GLIS3: variants seen among roughly 807,000 people sequenced by gnomAD.
The protein encoded by GLIS3 is zinc finger protein GLIS3.
A neutral mutation model predicts 78.6 loss-of-function variants in GLIS3; 53 were observed. That is an observed-to-expected ratio of 0.67 (90% CI 0.54 to 0.85). The LOEUF (loss-of-function observed/expected upper bound fraction) is 0.85. Ranked by LOEUF, GLIS3 falls within the 40% of genes least tolerant of loss-of-function variation. The probability of loss-of-function intolerance (pLI) is 0.00; values close to 1 mark genes in which losing one functional copy is unlikely to be tolerated. For synonymous variants in GLIS3, 684 were observed against 509.9 expected (o/e 1.34, Z -4.60); for missense variants, 1,703 against 1,231.1 (o/e 1.38, Z -5.74).
At chr9:4,424,392 T>C in the GLIS3 span, among the ~76,000 whole-genome samples, 1 of 152,214 alleles carries the variant, frequency 6.6e-6, no homozygotes, top group Non-Finnish European at 1.5e-5. Context: ...TCTCTGCCTC[T>C]TTAATTAGAA....
chr9:4,125,750 G>A lies in GLIS3; in HGVS notation c.580C>T (p.Pro194Ser), dbSNP rs1832526374. The change falls in exon 3 of 11, where the codon CCT (proline) becomes TCT (serine). Residue 194 changes from proline to serine, a missense_variant. Transcript: ENST00000381971. ...ACTTGAGACCTGGTATCTGAAGGAGGTATATTCAGGTTGGCTGCATTCATT... is the reference window on the plus strand; with the variant it reads ...ACTTGAGACCTGGTATCTGAAGGAGATATATTCAGGTTGGCTGCATTCATT... ...RAMNAANLNI[P>S]PSDTRSLISR... The A allele has an allele frequency of 3.7e-6, 6 of 1,613,316 alleles. No individual in the cohort carries two copies. The highest frequency in any genetic ancestry group is 1.1e-5 in the South Asian group (1 of 91,056).
the GLIS3 span, among the ~76,000 whole-genome samples, chr9:4,378,934 A>C: frequency 2.6e-5 from 4 of 152,332 alleles, no homozygotes; most frequent in Non-Finnish European, 5.9e-5. Flanking sequence ...TTTGGGTTAA[A>C]TGAAGGGGAT....
chr9:4,059,949 T>A (rs964138527), intron 4 of GLIS3, among the ~76,000 whole-genome samples: 9 of 152,170 alleles, frequency 5.9e-5, no homozygotes, highest in Non-Finnish European at 1.3e-4. Flanking sequence ...TTAAGGCAGG[T>A]GTGAAGGTTC....
chr9:4,144,343 T>G (rs1834045208), intron 2 of GLIS3, among the ~76,000 whole-genome samples: 1 of 152,166 alleles, frequency 6.6e-6, no homozygotes, highest in Non-Finnish European at 1.5e-5. Context: ...AAGTGATATT[T>G]TTTGATAGGT....
intron 2 of GLIS3, among the ~76,000 whole-genome samples, chr9:4,241,894 G>C (rs1036976267): frequency 6.6e-6 from 1 of 152,154 alleles, no homozygotes; most frequent in South Asian, 2.1e-4. Context: ...ATGTTGGCCA[G>C]GCTGTTCTCA....
chr9:4,487,816 T>C, the GLIS3 span, among the ~76,000 whole-genome samples: 8 of 151,910 alleles, frequency 5.3e-5, no homozygotes, highest in African/African-American at 1.9e-4. Context: ...GCCTCCCAAG[T>C]AGCAGAGACT....
In GLIS3 at chr9:4,187,355, C is replaced by A. The variant is rs200373030; in HGVS notation, c.389-61414G>T. ...GCTCTGTTCTGTTCCATTGTTCTAT[C>A]TCTCTGTTTTGGTACCAGTACCATG... On this transcript the variant is annotated intron_variant, in intron 2 of 10. Coordinates refer to ENST00000381971, the MANE Select transcript of GLIS3 (RefSeq NM_001042413.2). Among the ~76,000 whole-genome samples, 8 of 152,160 alleles carry A rather than the reference C, an allele frequency of 5.3e-5. No individual in the cohort carries two copies. The South Asian group carries it at 6.2e-4, about 12-fold the overall frequency.
At chr9:4,206,830 G>A (rs1051388337) in intron 2 of GLIS3, among the ~76,000 whole-genome samples, 1 of 152,222 alleles carries the variant, frequency 6.6e-6, no homozygotes, top group African/African-American at 2.4e-5. Flanking sequence ...TCAAATCTGA[G>A]TACAACTGAG....
upstream of GLIS3, among the ~76,000 whole-genome samples, chr9:4,304,325 T>A (rs549811953): frequency 8.5e-5 from 13 of 152,268 alleles, no homozygotes; most frequent in African/African-American, 3.1e-4. Context: ...TTTCCTACAA[T>A]GTGATATGAA....
intron 8 of GLIS3, among the ~76,000 whole-genome samples, chr9:3,877,170 G>A (rs913520022): frequency 6.6e-6 from 1 of 152,070 alleles, no homozygotes; most frequent in Admixed American, 6.5e-5. Flanking sequence ...TTCTCAGCCA[G>A]GCAGAATGAA....
chr9:4,147,971 GCTA>G (rs1834360364), intron 2 of GLIS3, among the ~76,000 whole-genome samples: 1 of 152,178 alleles, frequency 6.6e-6, no homozygotes, highest in African/African-American at 2.4e-5. Flanking sequence ...CTCTATAATA[GCTA>G]CGTATGTATT....
chr9:4,263,700 C>A (rs1373046806), intron 2 of GLIS3, among the ~76,000 whole-genome samples: 1 of 152,210 alleles, frequency 6.6e-6, no homozygotes, highest in East Asian at 1.9e-4. Context: ...CCTTCATCTT[C>A]CCCAATGCAA....
the GLIS3 span, among the ~76,000 whole-genome samples, chr9:4,481,542 G>GTGTA: frequency 2.7e-5 from 4 of 150,620 alleles, no homozygotes; most frequent in East Asian, 5.8e-4. Flanking sequence ...GTGTGTGTGT[G>GTGTA]TACCGTTTTC....
chr9:4,207,423 AT>A (rs1282190944), intron 2 of GLIS3, among the ~76,000 whole-genome samples: 1 of 152,258 alleles, frequency 6.6e-6, no homozygotes, highest in Non-Finnish European at 1.5e-5. Flanking sequence ...CATTTGCAGG[AT>A]TAAAATGTGT....
chr9:4,082,168 T>C (rs186439031), intron 4 of GLIS3, among the ~76,000 whole-genome samples: 5 of 152,316 alleles, frequency 3.3e-5, no homozygotes, highest in East Asian at 3.9e-4. Flanking sequence ...AGGGAAATAA[T>C]TGCATCTCCG....
At chr9:4,329,114 T>A (rs1817646068) in intron 2 of GLIS3, among the ~76,000 whole-genome samples, 1 of 152,146 alleles carries the variant, frequency 6.6e-6, no homozygotes, top group South Asian at 2.1e-4. Context: ...TCCACCAATA[T>A]ACTGCCGACT....
chr9:4,305,129 A>G (rs1330308), intron 4 of GLIS3: 129,143 of 152,164 alleles, frequency 0.85, 56,506 homozygotes, highest in East Asian at 1. Flanking sequence ...GAGAGGTGGA[A>G]TATCTCCCCA....
At chr9:4,110,648 T>A (rs143957035) in intron 4 of GLIS3, among the ~76,000 whole-genome samples, 1 of 152,074 alleles carries the variant, frequency 6.6e-6, no homozygotes, top group Non-Finnish European at 1.5e-5. Context: ...CTTCCCAGAG[T>A]TAAAGCAGAC....
chr9:4,289,144 C>T (rs933754457), intron 1 of GLIS3, among the ~76,000 whole-genome samples: 4 of 152,134 alleles, frequency 2.6e-5, no homozygotes, highest in African/African-American at 4.8e-5. Flanking sequence ...AGTCAAGATA[C>T]CCAAGTTCTA....
Sources: allele counts gnomAD v4.1 joint callset (sites outside exome capture counted in the v4.1 genomes callset), GRCh38; gene constraint gnomAD v4.1.1; transcripts MANE v1.5; gene names NCBI Gene and HGNC (gene_info 2026-07-23, HGNC 2026-07-21).